The following PTPN9 variants were observed in gnomAD, a reference collection of about 807,000 sequenced individuals.
PTPN9 encodes tyrosine-protein phosphatase non-receptor type 9.
A neutral mutation model predicts 69.8 loss-of-function variants in PTPN9; 26 were observed. That is an observed-to-expected ratio of 0.37 (90% confidence interval 0.27 to 0.52). The LOEUF (loss-of-function observed/expected upper bound fraction) is 0.52. Ranked by LOEUF, PTPN9 falls within the 20% of genes least tolerant of loss-of-function variation. PTPN9 has a pLI of 0.91. For missense variants in PTPN9, 549 were observed against 740.3 expected, an observed-to-expected ratio of 0.74 and a Z score of 3.00; for synonymous variants, 274 against 272.5, an observed-to-expected ratio of 1.01 and a Z score of -0.05.
intron 1 of PTPN9, among the ~76,000 whole-genome samples, chr15:75,569,592 C>T (rs1453132037): frequency 2.7e-5 from 4 of 148,892 alleles, no homozygotes; most frequent in Non-Finnish European, 5.9e-5. Flanking sequence ...GTAATCCCAG[C>T]TACTTGGGAG....
At chr15:75,545,751 A>G (rs191629827) in intron 1 of PTPN9, among the ~76,000 whole-genome samples, 3 of 152,214 alleles carry the variant, frequency 2.0e-5, no homozygotes, top group Non-Finnish European at 2.9e-5. Context: ...CATCATGACA[A>G]CAGCCTGGCC....
At chr15:75,559,497 G>A (rs1283075862) in intron 1 of PTPN9, among the ~76,000 whole-genome samples, 1 of 152,314 alleles carries the variant, frequency 6.6e-6, no homozygotes, top group African/African-American at 2.4e-5. Flanking sequence ...TCTGAAACAT[G>A]TGCTGTGTCC....
intron 4 of PTPN9, among the ~76,000 whole-genome samples, chr15:75,518,465 T>TA (rs1408339623): frequency 8.0e-6 from 1 of 125,746 alleles, no homozygotes; most frequent in Non-Finnish European, 1.6e-5. Flanking sequence ...CTGACTCTAT[T>TA]TAAAAAAAAA....
intron 7 of PTPN9, among the ~76,000 whole-genome samples, chr15:75,501,385 G>A (rs1567485386): frequency 6.6e-6 from 1 of 151,270 alleles, no homozygotes; most frequent in East Asian, 1.9e-4. Flanking sequence ...TGGTTAAGTT[G>A]GAATATGAGG....
chr15:75,523,113 A>G lies in PTPN9; in HGVS notation c.422+8T>C, dbSNP rs200001352. 2.6e-4 allele frequency: 426 copies of G among 1,611,202 alleles called. 1 individual carries two copies. In the African/African-American group the frequency reaches 5.0e-3, roughly 19 times the overall value. On this transcript the variant is annotated splice_region_variant and intron_variant, in intron 4 of 12. Transcript: ENST00000618819. ...GTAGAATACCTAAAAAATAATCTCA[A>G]TGCTTACCTATCCACAGCTCTGTCT...
intron 7 of PTPN9, among the ~76,000 whole-genome samples, chr15:75,503,699 C>A (rs1252050712): frequency 1.5e-5 from 2 of 134,632 alleles, no homozygotes; most frequent in Non-Finnish European, 3.3e-5. Context: ...GCCTGGCCAG[C>A]CACCCCGTCC....
intron 1 of PTPN9, among the ~76,000 whole-genome samples, chr15:75,543,441 TGAG>T (rs576446225): frequency 2.3e-3 from 343 of 152,338 alleles, no homozygotes; most frequent in South Asian, 4.1e-3. Flanking sequence ...ATGGCAGAGC[TGAG>T]GTTTTGAGCA....
intron 1 of PTPN9, among the ~76,000 whole-genome samples, chr15:75,553,996 ACTTT>A (rs1478479295): frequency 7.3e-6 from 1 of 136,256 alleles, no homozygotes; most frequent in Non-Finnish European, 1.6e-5. Flanking sequence ...CTAGACCAAT[ACTTT>A]CTTTCTTTTT....
At position 75,467,170 on chromosome 15, in the gene PTPN9, T is replaced by G. The variant is rs1324525263; in HGVS notation, c.*1599A>C. 6.6e-6 allele frequency: 1 copy of G among 152,654 alleles called. No individual in the cohort carries two copies. The highest frequency in any genetic ancestry group is 1.5e-5 in the Non-Finnish European group (1 of 68,044). 9.5% of individuals were successfully genotyped at this position (152,654 alleles called of 1,614,324 possible). A position where few individuals can be genotyped will look rare whatever the true frequency, so the allele number is the denominator to read the frequency against. ...ATATGTAAATACAAAACTGTATCAC[T>G]GTAAGATATTGAATATGAACATTAC... On this transcript the variant is annotated 3_prime_UTR_variant, in exon 13 of 13. Coordinates refer to ENST00000618819, the MANE Select transcript of PTPN9 (RefSeq NM_002833.4).
At chr15:75,491,516 A>C (rs2074711013) in intron 7 of PTPN9, among the ~76,000 whole-genome samples, 1 of 152,204 alleles carries the variant, frequency 6.6e-6, no homozygotes, top group African/African-American at 2.4e-5. Context: ...TGTAACAAAT[A>C]ACTAAAAATG....
At chr15:75,537,753 C>CAAAAAAAAAAAAAA (rs1164644727) in intron 1 of PTPN9, among the ~76,000 whole-genome samples, 5 of 11,388 alleles carry the variant, frequency 4.4e-4, no homozygotes, top group East Asian at 2.0e-3. Flanking sequence ...GACTCCATCT[C>CAAAAAAAAAAAAAA]AAAAAAAAAA....
intron 11 of PTPN9, 85 bp downstream of exon 11, chr15:75,470,595 C>T: frequency 2.0e-6 from 3 of 1,494,792 alleles, no homozygotes; most frequent in Non-Finnish European, 2.7e-6. Flanking sequence ...CCCTGGTATC[C>T]TACCTATTCC....
At chr15:75,486,171 G>C (rs929996734) in intron 8 of PTPN9, among the ~76,000 whole-genome samples, 5 of 151,230 alleles carry the variant, frequency 3.3e-5, no homozygotes, top group Non-Finnish European at 5.9e-5. Flanking sequence ...AATTGGAATA[G>C]CAGGAAGAAC....
intron 7 of PTPN9, among the ~76,000 whole-genome samples, chr15:75,496,962 GA>G (rs2074746304): frequency 6.6e-6 from 1 of 151,894 alleles, no homozygotes; most frequent in South Asian, 2.1e-4. Flanking sequence ...GTTTGGTTTT[GA>G]AAAAAATTAT....
At chr15:75,507,770 A>G (rs1046358728) in intron 6 of PTPN9, among the ~76,000 whole-genome samples, 1 of 151,274 alleles carries the variant, frequency 6.6e-6, no homozygotes, top group African/African-American at 2.4e-5. Context: ...CCGTCTCAAA[A>G]AAGGTGGCTC....
intron 1 of PTPN9, among the ~76,000 whole-genome samples, chr15:75,541,392 T>G (rs2075008124): frequency 6.6e-6 from 1 of 151,058 alleles, no homozygotes; most frequent in South Asian, 2.1e-4. Flanking sequence ...CTCATTTTAT[T>G]ATTATTATTA....
At chr15:75,551,761 G>T (rs1275063911) in intron 1 of PTPN9, among the ~76,000 whole-genome samples, 3 of 152,110 alleles carry the variant, frequency 2.0e-5, no homozygotes, top group African/African-American at 7.2e-5. Flanking sequence ...CTTTAGCCAG[G>T]CATGGTGGCT....
chr15:75,508,985 C>G lies in PTPN9; in HGVS notation c.571G>C (p.Ala191Pro), dbSNP rs1250554019. 6.2e-7 allele frequency: 1 copy of G among 1,614,038 alleles called. No individual in the cohort carries two copies. The highest frequency in any genetic ancestry group is 1.1e-5 in the South Asian group (1 of 91,062). ...TAGGGCACTCGGAACCATATGGGTG[C>G]CCCCACAATCAGCACCTTCTTCAAA... ...ARLKKVLIVG[A>P]PIWFRVPYSI... The change falls in exon 6 of 13, where the codon GCA becomes CCA. Residue 191 changes from alanine to proline, a missense_variant. By Grantham distance (27) the Ala-to-Pro change is conservative. Transcript: ENST00000618819.
rs1390142423 is a variant in PTPN9, at chr15:75,523,217, A to G, written c.326T>C (p.Ile109Thr). The G allele has an allele frequency of 1.9e-6, 3 of 1,614,048 alleles. No individual in the cohort carries two copies. Among genetic ancestry groups the G allele is most frequent in the Admixed American group, 1.7e-5 (1 of 59,980 alleles). Reference sequence around the variant, plus strand: ...ATGCAACCTGGCAGTAAAGAGGGCAATGGAGGCTCCTGTTGGGTCCCGAAC... The same window carrying G: ...ATGCAACCTGGCAGTAAAGAGGGCAGTGGAGGCTCCTGTTGGGTCCCGAAC... Reference protein sequence around the residue: ...LNVRDPTGASIALFTARLHHP... With the variant: ...LNVRDPTGASTALFTARLHHP... Residue 109 changes from isoleucine (I) to threonine (T), a missense_variant, in exon 4 of 13, where the codon ATT becomes ACT. By Grantham distance (89) the Ile-to-Thr change is moderately conservative. Around this residue, in one of 3 missense-constraint regions of PTPN9, gnomAD observed 457 missense variants for 661.9 expected, o/e 0.69. Transcript: ENST00000618819.
Sources: gnomAD v4.1 joint callset for allele counts (sites outside exome capture counted in the v4.1 genomes callset) on GRCh38, gnomAD v4.1.1 for gene constraint, gnomAD v4.1.1 regional missense constraint, MANE v1.5 for transcripts, NCBI Gene and HGNC (gene_info 2026-07-23, HGNC 2026-07-21) for gene names.